The following CNIH4 variants were observed in gnomAD, a reference collection of about 807,000 sequenced individuals.
The protein encoded by CNIH4 is cornichon family member 4.
CNIH4 carries 9 observed loss-of-function variants against 21.5 expected under a neutral mutation model. The observed-to-expected ratio is 0.42, with a 90% CI of 0.25 to 0.73. The LOEUF (loss-of-function observed/expected upper bound fraction) is 0.73. CNIH4 is among the 30% of genes least tolerant of loss of function. The pLI, the probability that CNIH4 is intolerant of heterozygous loss-of-function variation, is 0.27. For missense variants in CNIH4, 159 were observed against 170.0 expected (o/e 0.94, Z 0.36); for synonymous variants, 67 against 59.1 (o/e 1.13, Z -0.61).
chr1:224,368,949 G>A (rs1672545927), intron 3 of CNIH4, among the ~76,000 whole-genome samples: 1 of 145,948 alleles, frequency 6.9e-6, no homozygotes, highest in Non-Finnish European at 1.5e-5. Context: ...ACCAAAAACT[G>A]TCTTTGATAT....
At position 224,375,455 on chromosome 1, in the gene CNIH4, AG is replaced by A. The variant is rs1041508344; in HGVS notation, c.393-338del. ...GTATGTATCTGGCTAGAGAATTTAA[AG>A]GTTTTTTTTTCTGGACATAGGTGTT... On this transcript the variant is annotated intron_variant, in intron 4 of 4. Coordinates refer to ENST00000465271, the MANE Select transcript of CNIH4 (RefSeq NM_014184.4). Among the ~76,000 whole-genome samples, 33 of 7,430 alleles carry A rather than the reference AG, an allele frequency of 4.4e-3. No homozygotes were observed. The South Asian group carries it at 0.41, about 92-fold the overall frequency. 4.9% of individuals were successfully genotyped at this position (7,430 alleles called of 152,430 possible). A position where few individuals can be genotyped will look rare whatever the true frequency, so the allele number is the denominator to read the frequency against.
At chr1:224,362,886 C>A (rs929964260) in intron 2 of CNIH4, among the ~76,000 whole-genome samples, 1 of 152,068 alleles carries the variant, frequency 6.6e-6, no homozygotes. Context: ...TCTTCCCCAT[C>A]TTTTTTCCCT....
intron 2 of CNIH4, among the ~76,000 whole-genome samples, chr1:224,362,325 G>A (rs1672317832): frequency 2.0e-5 from 3 of 151,238 alleles, no homozygotes; most frequent in Non-Finnish European, 1.5e-5. Context: ...CTCATGATCT[G>A]CCCGCCTCAG....
At chr1:224,371,525 G>A (rs1672628676) in intron 4 of CNIH4, 102 bp downstream of exon 4, 5 of 1,141,512 alleles carry the variant, frequency 4.4e-6, no homozygotes, top group African/African-American at 3.1e-5. Flanking sequence ...TGGAACTTTC[G>A]GGGATTATGT....
rs1330023862 is a variant in CNIH4 at position 224,356,897 on chromosome 1, G to C, written c.-28G>C. 3 of 1,587,132 alleles carry C rather than the reference G, an allele frequency of 1.9e-6. No homozygotes were observed. Among genetic ancestry groups the C allele is most frequent in the Non-Finnish European group, 2.6e-6 (3 of 1,163,812 alleles). On this transcript the variant is annotated 5_prime_UTR_variant, in exon 1 of 5. Coordinates refer to ENST00000465271, the MANE Select transcript of CNIH4 (RefSeq NM_014184.4). ...TCGGGGCATCCGAGCGGGTTTGACGGAAGGAGCGGCGGCGACGGAGGAGGA... is the reference window on the plus strand; with the variant it reads ...TCGGGGCATCCGAGCGGGTTTGACGCAAGGAGCGGCGGCGACGGAGGAGGA...
chr1:224,371,200 G>T, intron 3 of CNIH4, 83 bp from the exon 4 acceptor site: 1 of 1,429,722 alleles, frequency 7.0e-7, no homozygotes, highest in South Asian at 1.3e-5. Flanking sequence ...TTTAAAAGTC[G>T]ATTATTATTG....
In CNIH4 at chr1:224,377,486, C is replaced by CT. The variant is rs34589187; in HGVS notation, c.*1681dup. ...TAAGCTACTTAAAGGCGGTAGAGAT[C>CT]TTTTTTTTTTTTTTTTTGAGATGGG... On this transcript the variant is annotated 3_prime_UTR_variant, in exon 5 of 5. Transcript: ENST00000465271. 0.041 allele frequency: 5,656 copies of CT among 138,684 alleles called. 288 individuals are homozygous for CT. Among genetic ancestry groups the CT allele is most frequent in the African/African-American group, 0.12 (4,513 of 37,670 alleles). The allele number at this position is 138,684 out of a possible 1,614,324, so 8.6% of individuals were successfully genotyped here.
intron 3 of CNIH4, among the ~76,000 whole-genome samples, chr1:224,366,303 A>C (rs943970032): frequency 6.6e-6 from 1 of 150,972 alleles, no homozygotes; most frequent in African/African-American, 2.4e-5. Flanking sequence ...CGGCCTCCCA[A>C]AGGGCTGGGA....
chr1:224,364,211 G>T, intron 2 of CNIH4: 1 of 978,596 alleles, frequency 1.0e-6, no homozygotes, highest in Non-Finnish European at 1.2e-6. Context: ...AACATAGGGA[G>T]ACTTCCTCTC....
At chr1:224,365,511 CAT>C (rs932421153) in intron 2 of CNIH4, among the ~76,000 whole-genome samples, 33 of 152,288 alleles carry the variant, frequency 2.2e-4, no homozygotes, top group African/African-American at 6.0e-4. Flanking sequence ...TGAAAGGCAA[CAT>C]GTGTGTGGAT....
At chr1:224,361,594 ATTGT>A (rs1430886240) in intron 2 of CNIH4, among the ~76,000 whole-genome samples, 1 of 151,158 alleles carries the variant, frequency 6.6e-6, no homozygotes, top group Admixed American at 6.6e-5. Flanking sequence ...ATTTTGTTTG[ATTGT>A]TTGAGGCAGA....
At chr1:224,365,045 C>T (rs976928233) in intron 2 of CNIH4, among the ~76,000 whole-genome samples, 1 of 152,124 alleles carries the variant, frequency 6.6e-6, no homozygotes, top group African/African-American at 2.4e-5. Flanking sequence ...GTCATTGTGC[C>T]TGGGCTTACA....
intron 4 of CNIH4, among the ~76,000 whole-genome samples, chr1:224,371,771 C>T (rs930447425): frequency 3.9e-5 from 6 of 152,074 alleles, no homozygotes; most frequent in Middle Eastern, 3.2e-3. Context: ...GGAGAAACAC[C>T]GACTCTACTA....
At chr1:224,361,813 A>G (rs1013682043) in intron 2 of CNIH4, among the ~76,000 whole-genome samples, 1 of 151,888 alleles carries the variant, frequency 6.6e-6, no homozygotes, top group Non-Finnish European at 1.5e-5. Flanking sequence ...TGAAATTCCT[A>G]GGCTCAAGTG....
intron 3 of CNIH4, among the ~76,000 whole-genome samples, chr1:224,369,356 T>C (rs1672557307): frequency 6.6e-6 from 1 of 152,124 alleles, no homozygotes; most frequent in Non-Finnish European, 1.5e-5. Flanking sequence ...GAGGATCACC[T>C]GAGGTCAGGA....
intron 1 of CNIH4, among the ~76,000 whole-genome samples, chr1:224,358,053 A>G (rs529975527): frequency 1.3e-5 from 2 of 152,382 alleles, no homozygotes; most frequent in South Asian, 4.1e-4. Flanking sequence ...GGATAGTCGT[A>G]CAGAGTATAT....
chr1:224,375,714 G>C lies in CNIH4; in HGVS notation c.393-81G>C, dbSNP rs966706302. The C allele has an allele frequency of 4.7e-6, 7 of 1,486,080 alleles. No homozygotes were observed. In the African/African-American group the frequency reaches 8.3e-5, roughly 18 times the overall value. 92.1% of individuals were successfully genotyped at this position (1,486,080 alleles called of 1,614,324 possible). ...AATGATTGTTCCTTTGTGAACCTTA[G>C]GGACGCAAGTCTGGACAAACCAGGC... On this transcript the variant is annotated intron_variant, in intron 4 of 4. Coordinates refer to ENST00000465271, the MANE Select transcript of CNIH4 (RefSeq NM_014184.4).
intron 3 of CNIH4, among the ~76,000 whole-genome samples, chr1:224,369,561 G>A (rs1672562997): frequency 6.6e-6 from 1 of 152,060 alleles, no homozygotes; most frequent in African/African-American, 2.4e-5. Flanking sequence ...GGGCAACAGA[G>A]CGAGATTACG....
intron 1 of CNIH4, among the ~76,000 whole-genome samples, chr1:224,360,092 C>T (rs567773094): frequency 2.0e-5 from 3 of 152,098 alleles, no homozygotes; most frequent in African/African-American, 7.2e-5. Context: ...GTTGGAATTG[C>T]GCCACTGCAC....
Sources: gnomAD v4.1 joint callset for allele counts (sites outside exome capture counted in the v4.1 genomes callset) on GRCh38, gnomAD v4.1.1 for gene constraint, MANE v1.5 for transcripts, NCBI Gene and HGNC (gene_info 2026-07-23, HGNC 2026-07-21) for gene names.